Variants in CPD observed in about 807,000 individuals in gnomAD.
The protein encoded by CPD is metallocarboxypeptidase D.
In CPD, 69 loss-of-function variants were observed where a neutral mutation model predicts 138.3. That is an observed-to-expected ratio of 0.50 (90% CI 0.41 to 0.61). The LOEUF (loss-of-function observed/expected upper bound fraction) is 0.61. Ranked by LOEUF, CPD falls within the 20% of genes least tolerant of loss-of-function variation. The probability of loss-of-function intolerance (pLI) is 0.00; values close to 1 mark genes in which losing one functional copy is unlikely to be tolerated. For synonymous variants in CPD, 651 were observed against 642.1 expected, an observed-to-expected ratio of 1.01 and a Z score of -0.21; for missense variants, 1,432 against 1,733.3, an observed-to-expected ratio of 0.83 and a Z score of 3.09.
intron 12 of CPD, among the ~76,000 whole-genome samples, chr17:30,448,614 A>G (rs1359139524): frequency 1.3e-5 from 2 of 152,108 alleles, no homozygotes; most frequent in Non-Finnish European, 2.9e-5. Context: ...TTTTCTGTCC[A>G]ATTCTTGTAA....
At chr17:30,382,056 A>C (rs1169071543) in intron 1 of CPD, among the ~76,000 whole-genome samples, 1 of 152,216 alleles carries the variant, frequency 6.6e-6, no homozygotes, top group Non-Finnish European at 1.5e-5. Context: ...CTTTAAGTGA[A>C]TATACCTGCT....
chr17:30,405,841 C>CA (rs1042359832), intron 2 of CPD, among the ~76,000 whole-genome samples: 18 of 151,884 alleles, frequency 1.2e-4, no homozygotes, highest in Admixed American at 2.6e-4. Context: ...CCAGTTGCAA[C>CA]AAAAAAATCT....
In CPD at chr17:30,379,389, A is replaced by C. The variant is rs1237486792; in HGVS notation, c.409A>C (p.Asn137His). Reference sequence around the variant, plus strand: ...CCGGCCCCAGGTGAAGCTGGTGGGCAACATGCATGGCGACGAGACCGTGTC... The same window carrying C: ...CCGGCCCCAGGTGAAGCTGGTGGGCCACATGCATGGCGACGAGACCGTGTC... ...PGRPQVKLVGNMHGDETVSRQ... is the reference protein window; with the variant it reads ...PGRPQVKLVGHMHGDETVSRQ... The change falls in exon 1 of 21, where the codon AAC becomes CAC. Residue 137 changes from asparagine (N) to histidine (H), a missense_variant. This residue lies in a region of CPD where 484 missense variants were observed against 477.2 expected (regional missense o/e 1.01). Coordinates refer to ENST00000225719, the MANE Select transcript of CPD (RefSeq NM_001304.5). The surrounding 1 kb of genome is among the most constrained non-coding windows in gnomAD (Gnocchi z 7.0). 29 of 1,534,092 alleles carry C rather than the reference A, an allele frequency of 1.9e-5. 1 individual carries two copies. The highest frequency in any genetic ancestry group is 2.3e-5 in the Non-Finnish European group (27 of 1,149,544).
chr17:30,439,394 C>CTTTTTTTTTTTTTTTTTTTTTTTTTTT, intron 9 of CPD, among the ~76,000 whole-genome samples: 1 of 124,672 alleles, frequency 8.0e-6, no homozygotes, highest in Non-Finnish European at 1.6e-5. Context: ...ACGTTACTTT[C>CTTTTTTTTTTTTTTTTTTTTTTTTTTT]TTTTTTTTTT....
intron 2 of CPD, among the ~76,000 whole-genome samples, chr17:30,410,775 G>A (rs1337285456): frequency 2.6e-5 from 4 of 152,148 alleles, no homozygotes; most frequent in Admixed American, 6.5e-5. Flanking sequence ...TGGGTTTCCT[G>A]AATACAGCAC....
chr17:30,456,555 G>A (rs1483416860), intron 17 of CPD, 29 bp downstream of exon 17: 1 of 1,605,582 alleles, frequency 6.2e-7, no homozygotes, highest in Non-Finnish European at 8.5e-7. Context: ...GGTTAGAATG[G>A]AGTTATGGCC....
intron 17 of CPD, among the ~76,000 whole-genome samples, chr17:30,458,298 G>A (rs1441722688): frequency 1.3e-5 from 2 of 152,076 alleles, no homozygotes; most frequent in African/African-American, 4.8e-5. Context: ...CTATTCTTTA[G>A]GTTACCTTTT....
At chr17:30,458,211 A>C (rs1409470075) in intron 17 of CPD, among the ~76,000 whole-genome samples, 1 of 152,154 alleles carries the variant, frequency 6.6e-6, no homozygotes, top group Non-Finnish European at 1.5e-5. Flanking sequence ...ACGAATAAAC[A>C]AACAAAACCC....
chr17:30,429,634 A>G (rs1912510229), intron 7 of CPD, among the ~76,000 whole-genome samples: 1 of 152,222 alleles, frequency 6.6e-6, no homozygotes, highest in African/African-American at 2.4e-5. Flanking sequence ...GGCACAGGCA[A>G]CAGGCAGTGG....
chr17:30,430,750 C>T (rs893494646), intron 7 of CPD, among the ~76,000 whole-genome samples: 4 of 152,110 alleles, frequency 2.6e-5, no homozygotes, highest in African/African-American at 9.7e-5. Context: ...AACTCCTGAG[C>T]TCAGGCAGTC....
chr17:30,386,638 C>T (rs1314750344), intron 2 of CPD, among the ~76,000 whole-genome samples: 1 of 152,206 alleles, frequency 6.6e-6, no homozygotes, highest in South Asian at 2.1e-4. Context: ...CATTGGTAAC[C>T]TCTAATCTAC....
intron 17 of CPD, among the ~76,000 whole-genome samples, chr17:30,458,772 A>G (rs970217583): frequency 6.6e-6 from 1 of 152,082 alleles, no homozygotes; most frequent in African/African-American, 2.4e-5. Flanking sequence ...AGGCTGTGGC[A>G]GGAGAATTGC....
chr17:30,456,363 C>G lies in CPD; in HGVS notation c.3433+12C>G. ...CCCAAATAAATCAGGTAGATGTTTT[C>G]CATACCTTTTGTTATTGCTGTTGTT... is the stretch of plus-strand genomic sequence containing the variant. On this transcript the variant is annotated intron_variant, in intron 16 of 20. Transcript: ENST00000225719. The G allele has an allele frequency of 6.2e-7, 1 of 1,613,302 alleles. No individual in the cohort carries two copies. Among genetic ancestry groups the G allele is most frequent in the Non-Finnish European group, 8.5e-7 (1 of 1,179,260 alleles).
Position 30,379,372 on chromosome 17 carries a change from A to G in CPD, c.392A>G (p.Gln131Arg). The change falls in exon 1 of 21, where the codon CAG becomes CGG. Residue 131 changes from glutamine (Q) to arginine (R), a missense_variant. By Grantham distance (43) the Gln-to-Arg change is conservative. This residue lies in a region of CPD where 484 missense variants were observed against 477.2 expected (regional missense o/e 1.01). Transcript: ENST00000225719. This position sits in a 1 kb window ranked among gnomAD's most constrained non-coding sequence, Gnocchi z 7.0. ...AAGPLLPGRP[Q>R]VKLVGNMHGD... ...GGGCCGCTGCTGCCCGGCCGGCCCC[A>G]GGTGAAGCTGGTGGGCAACATGCAT... The G allele has an allele frequency of 2.0e-6, 3 of 1,513,294 alleles. No individual in the cohort carries two copies. Among genetic ancestry groups the G allele is most frequent in the Non-Finnish European group, 2.6e-6 (3 of 1,138,680 alleles). The allele number at this position is 1,513,294 out of a possible 1,614,324, so 93.7% of individuals were successfully genotyped here. A position where few individuals can be genotyped will look rare whatever the true frequency, so the allele number is the denominator to read the frequency against.
At chr17:30,434,503 G>A (rs925629407) in intron 8 of CPD, among the ~76,000 whole-genome samples, 4 of 152,098 alleles carry the variant, frequency 2.6e-5, no homozygotes, top group Non-Finnish European at 5.9e-5. Flanking sequence ...GAGTAACTGG[G>A]CAGATTAGAG....
chr17:30,453,381 G>A lies in CPD; in HGVS notation c.3205+1535G>A, dbSNP rs867079507. ...CCCCATGCAAGTTCAGAATCCAGCA[G>A]GGCAGTCAAATCTTAAAAGTTCAAA... On this transcript the variant is annotated intron_variant, in intron 14 of 20. Coordinates refer to ENST00000225719, the MANE Select transcript of CPD (RefSeq NM_001304.5). 1.1e-4 allele frequency among the ~76,000 whole-genome samples: 17 copies of A among 152,314 alleles called. No homozygotes were observed. In the Middle Eastern group the frequency reaches 0.017, roughly 152 times the overall value.
chr17:30,458,203 G>T (rs192703852), intron 17 of CPD, among the ~76,000 whole-genome samples: 1 of 151,930 alleles, frequency 6.6e-6, no homozygotes, highest in Non-Finnish European at 1.5e-5. Context: ...TCAAAAAAAC[G>T]AATAAACAAA....
At chr17:30,442,774 T>C (rs1912912591) in intron 10 of CPD, among the ~76,000 whole-genome samples, 1 of 152,188 alleles carries the variant, frequency 6.6e-6, no homozygotes, top group Non-Finnish European at 1.5e-5. Context: ...CACCTAATCA[T>C]TGGCCAAGTG....
At chr17:30,455,575 C>T (rs1913271118) in intron 15 of CPD, 105 bp downstream of exon 15, 1 of 1,303,564 alleles carries the variant, frequency 7.7e-7, no homozygotes. Context: ...CATTTGAGCA[C>T]ACTCTATGAG....
Sources: gnomAD v4.1 joint callset for allele counts (sites outside exome capture counted in the v4.1 genomes callset) on GRCh38, gnomAD v4.1.1 for gene constraint, gnomAD v4.1.1 regional missense constraint, Gnocchi (gnomAD v3.1) non-coding constraint, MANE v1.5 for transcripts, NCBI Gene and HGNC (gene_info 2026-07-23, HGNC 2026-07-21) for gene names.